Variants in FAT2 observed in about 807,000 individuals in gnomAD.
FAT2 encodes the protein FAT atypical cadherin 2.
In FAT2, 150 loss-of-function variants were observed where a neutral mutation model predicts 295.3. The observed-to-expected ratio is 0.51, with a 90% confidence interval of 0.44 to 0.58. The LOEUF (loss-of-function observed/expected upper bound fraction) is 0.58. Ranked by LOEUF, FAT2 falls within the 20% of genes least tolerant of loss-of-function variation. The pLI is 0.00. For synonymous variants in FAT2, 2,026 were observed against 2,150.3 expected, an observed-to-expected ratio of 0.94 and a Z score of 1.60; for missense variants, 4,868 against 5,442.7, an observed-to-expected ratio of 0.89 and a Z score of 3.32.
chr5:151,568,331 C>T lies in FAT2; in HGVS notation c.601G>A (p.Gly201Ser), dbSNP rs372731700. Reference sequence around the variant, plus strand: ...AGCTTCCCAGCCACAGTGACCACACCGCTGGTGGGATGGATGGCAAACATC... The same window carrying T: ...AGCTTCCCAGCCACAGTGACCACACTGCTGGTGGGATGGATGGCAAACATC... ...SEMFAIHPTS[G>S]VVTVAGKLNV... The change falls in exon 2 of 24, where the codon GGT (glycine) becomes AGT (serine). Residue 201 changes from glycine to serine, a missense_variant. Physicochemically the swap from Gly to Ser is moderately conservative, Grantham distance 56. Around this residue, in one of 5 missense-constraint regions of FAT2, gnomAD observed 3,297 missense variants for 3,669.4 expected, o/e 0.90. Transcript: ENST00000261800. 2.5e-5 allele frequency: 40 copies of T among 1,614,024 alleles called. No individual in the cohort carries two copies. Among genetic ancestry groups the T allele is most frequent in the Middle Eastern group, 1.6e-4 (1 of 6,084 alleles).
At position 151,549,474 on chromosome 5, in the gene FAT2, T is replaced by C. The variant is rs560335655; in HGVS notation, c.4610A>G (p.Asn1537Ser). 3 of 1,614,202 alleles carry C rather than the reference T, an allele frequency of 1.9e-6. No individual in the cohort carries two copies. In the South Asian group the frequency reaches 3.3e-5, roughly 18 times the overall value. Residue 1537 changes from asparagine (N) to serine (S), a missense_variant, in exon 9 of 24, where the codon AAC becomes AGC. Around this residue, in one of 5 missense-constraint regions of FAT2, gnomAD observed 3,297 missense variants for 3,669.4 expected, o/e 0.90. Coordinates refer to ENST00000261800, the MANE Select transcript of FAT2 (RefSeq NM_001447.3). ...VRDQEIPIKR[N>S]FVWVTIHVED... is the part of the protein sequence containing the mutation. The stretch of plus-strand genomic sequence containing the variant: ...CACATGAATGGTCACCCACACGAAG[T>C]TCCTCTTGATAGGTATTTCCTGGTC...
At chr5:151,594,728 A>G (rs562146760), upstream of FAT2, among the ~76,000 whole-genome samples, 5 of 152,352 alleles carry the variant, frequency 3.3e-5, no homozygotes, top group African/African-American at 4.8e-5. Flanking sequence ...AGAGCAATAC[A>G]GCCACACTCA....
rs970485235 is a variant in FAT2, at chr5:151,505,449, C to A, written c.*116G>T. 4 of 1,268,884 alleles carry A rather than the reference C, an allele frequency of 3.2e-6. No individual in the cohort carries two copies. Among genetic ancestry groups the A allele is most frequent in the African/African-American group, 1.5e-5 (1 of 65,860 alleles). 78.6% of individuals were successfully genotyped at this position (1,268,884 alleles called of 1,614,324 possible). On this transcript the variant is annotated 3_prime_UTR_variant, in exon 24 of 24. Coordinates refer to ENST00000261800, the MANE Select transcript of FAT2 (RefSeq NM_001447.3). ...ACATTTCAAGGGACAACAGCCTGGG[C>A]TGAGGGCTTCCCTCCCACTCTCCCA... is the stretch of plus-strand genomic sequence containing the variant.
At position 151,566,145 on chromosome 5, in the gene FAT2, G is replaced by A. The variant is rs1308995149; in HGVS notation, c.2787C>T (p.His929=). ...NDNSPQCITE[H]NRLKVPEDLP... ...GGTCCTCTGGAACCTTCAGCCTGTT[G>A]TGTTCTGTGATGCACTGGGGAGAGT... is the stretch of plus-strand genomic sequence containing the variant. The change falls in exon 2 of 24, where the codon CAC becomes CAT. Residue 929 remains histidine (H), a synonymous_variant. Coordinates refer to ENST00000261800, the MANE Select transcript of FAT2 (RefSeq NM_001447.3). 6.2e-7 allele frequency: 1 copy of A among 1,614,134 alleles called. No individual in the cohort carries two copies. The highest frequency in any genetic ancestry group is 8.5e-7 in the Non-Finnish European group (1 of 1,180,010).
chr5:151,585,506 G>A (rs1759134534), intron 1 of FAT2, among the ~76,000 whole-genome samples: 1 of 152,200 alleles, frequency 6.6e-6, no homozygotes, highest in Non-Finnish European at 1.5e-5. Flanking sequence ...CAGCTACTCT[G>A]GAGGCTGAGT....
intron 13 of FAT2, among the ~76,000 whole-genome samples, chr5:151,533,051 T>C (rs764348454): frequency 2.6e-5 from 4 of 152,164 alleles, no homozygotes; most frequent in Non-Finnish European, 5.9e-5. Flanking sequence ...GGAATAACCA[T>C]TTTGGAAAGA....
At position 151,545,548 on chromosome 5, in the gene FAT2, A is replaced by G. The variant is rs966818949; in HGVS notation, c.5579T>C (p.Ile1860Thr). 1 of 1,614,176 alleles carries G rather than the reference A, an allele frequency of 6.2e-7. No homozygotes were observed. Among genetic ancestry groups the G allele is most frequent in the Non-Finnish European group, 8.5e-7 (1 of 1,180,004 alleles). ...GGAATCATTCACATCTCTGACATGAATGATGACTTGGGCAGGTCTGGGTGC... is the reference window on the plus strand; with the variant it reads ...GGAATCATTCACATCTCTGACATGAGTGATGACTTGGGCAGGTCTGGGTGC... ...LFAPRPAQVI[I>T]HVRDVNDSPP... Residue 1860 changes from isoleucine (I) to threonine (T), a missense_variant, in exon 10 of 24, where the codon ATT becomes ACT. By Grantham distance (89) the Ile-to-Thr change is moderately conservative. Around this residue, in one of 5 missense-constraint regions of FAT2, gnomAD observed 3,297 missense variants for 3,669.4 expected, o/e 0.90. Transcript: ENST00000261800.
At chr5:151,523,777 C>A (rs1216391013) in intron 18 of FAT2, among the ~76,000 whole-genome samples, 1 of 152,148 alleles carries the variant, frequency 6.6e-6, no homozygotes, top group African/African-American at 2.4e-5. Context: ...CCACTGGACA[C>A]CTCTGCTTGG....
In FAT2 at chr5:151,545,897, C is replaced by A. The variant is rs199748547; in HGVS notation, c.5230G>T (p.Val1744Leu). 1 of 1,614,194 alleles carries A rather than the reference C, an allele frequency of 6.2e-7. No homozygotes were observed. Among genetic ancestry groups the A allele is most frequent in the Non-Finnish European group, 8.5e-7 (1 of 1,180,038 alleles). Reference sequence around the variant, plus strand: ...TTTTCATCAATTATGTCAACCACCACCATGACATCAGTAAATGCACCTGCC... The same window carrying A: ...TTTTCATCAATTATGTCAACCACCAACATGACATCAGTAAATGCACCTGCC... ...NMAGAFTDVM[V>L]VVDIIDENDN... Residue 1744 changes from valine (V) to leucine (L), a missense_variant, in exon 10 of 24, where the codon GTG (valine) becomes TTG (leucine). Val to Leu is a conservative substitution (Grantham distance 32). Coordinates refer to ENST00000261800, the MANE Select transcript of FAT2 (RefSeq NM_001447.3).
chr5:151,553,094 A>G lies in FAT2; in HGVS notation c.4156+83T>C, dbSNP rs1341432288. On this transcript the variant is annotated intron_variant, in intron 6 of 23. Transcript: ENST00000261800. ...GAGGAGCCCGACCTTGAGAAGAGTC[A>G]GAAGGACTGTAGCAGGAAAACTAGA... is the stretch of plus-strand genomic sequence containing the variant. 2.1e-6 allele frequency: 3 copies of G among 1,402,706 alleles called. No homozygotes were observed. The African/African-American group carries it at 4.2e-5, about 20-fold the overall frequency. The allele number at this position is 1,402,706 out of a possible 1,614,324, so 86.9% of individuals were successfully genotyped here. A position where few individuals can be genotyped will look rare whatever the true frequency, so the allele number is the denominator to read the frequency against.
chr5:151,593,265 T>C (rs932548917), upstream of FAT2, among the ~76,000 whole-genome samples: 8 of 152,228 alleles, frequency 5.3e-5, no homozygotes. Flanking sequence ...CCACGGGCCC[T>C]TTGATTAGTC....
chr5:151,568,262 C>T lies in FAT2; in HGVS notation c.670G>A (p.Val224Met). The change falls in exon 2 of 24, where the codon GTG becomes ATG. Residue 224 changes from valine to methionine, a missense_variant. This residue lies in a region of FAT2 where 3,297 missense variants were observed against 3,669.4 expected (regional missense o/e 0.90). Coordinates refer to ENST00000261800, the MANE Select transcript of FAT2 (RefSeq NM_001447.3). ...RGKHELQVLAVDRMRKISEGN... is the reference protein window; with the variant it reads ...RGKHELQVLAMDRMRKISEGN... ...TCAGAGATTTTCCGCATGCGGTCCA[C>T]AGCTAGCACCTGGAGCTCATGCTTT... 6.2e-7 allele frequency: 1 copy of T among 1,614,208 alleles called. No homozygotes were observed.
intron 2 of FAT2, 126 bp from the exon 3 acceptor site, chr5:151,563,765 A>T: frequency 1.4e-6 from 1 of 706,668 alleles, no homozygotes; most frequent in Non-Finnish European, 2.4e-6. Context: ...TTTCTATGAA[A>T]AGAAGGAACT....
In FAT2 at chr5:151,507,351, C is replaced by G. The variant is rs138705803; in HGVS notation, c.12320G>C (p.Ser4107Thr). Residue 4107 changes from serine (S) to threonine (T), a missense_variant, in exon 23 of 24, where the codon AGT (serine) becomes ACT (threonine). By Grantham distance (58) the Ser-to-Thr change is moderately conservative. This residue lies in a region of FAT2 where 492 missense variants were observed against 482.6 expected (regional missense o/e 1.02). Transcript: ENST00000261800. ...AMPAIELNPLSASSCNNLNQP... is the reference protein window; with the variant it reads ...AMPAIELNPLTASSCNNLNQP... ...GTTGAGGTTGTTGCAGGAGCTGGCACTCAATGGGTTGAGCTCGATGGCAGG... is the reference window on the plus strand; with the variant it reads ...GTTGAGGTTGTTGCAGGAGCTGGCAGTCAATGGGTTGAGCTCGATGGCAGG... 6.2e-7 allele frequency: 1 copy of G among 1,614,186 alleles called. No homozygotes were observed. The highest frequency in any genetic ancestry group is 8.5e-7 in the Non-Finnish European group (1 of 1,180,014).
intron 13 of FAT2, among the ~76,000 whole-genome samples, chr5:151,534,139 A>G (rs1042033791): frequency 1.3e-5 from 2 of 152,240 alleles, no homozygotes; most frequent in Non-Finnish European, 2.9e-5. Flanking sequence ...GTTAAATGGC[A>G]GTATTGAAAA....
chr5:151,515,726 C>A (rs1201708006), intron 20 of FAT2, among the ~76,000 whole-genome samples: 1 of 152,194 alleles, frequency 6.6e-6, no homozygotes, highest in African/African-American at 2.4e-5. Flanking sequence ...TCTGTCATCA[C>A]CCTGGTCTAA....
intron 1 of FAT2, among the ~76,000 whole-genome samples, chr5:151,589,187 A>T (rs575175414): frequency 9.9e-5 from 15 of 152,170 alleles, no homozygotes; most frequent in Non-Finnish European, 1.8e-4. Flanking sequence ...GACAGGGTTT[A>T]TCCAGGGGGT....
At chr5:151,518,791 G>A (rs1469770453) in intron 19 of FAT2, among the ~76,000 whole-genome samples, 3 of 152,166 alleles carry the variant, frequency 2.0e-5, no homozygotes, top group African/African-American at 7.2e-5. Flanking sequence ...GACCACTCTT[G>A]GGAATAGCAT....
Position 151,543,838 on chromosome 5 carries a change from T to A in FAT2, c.7289A>T (p.Asn2430Ile), listed in dbSNP as rs1561850837. Residue 2430 changes from asparagine (N) to isoleucine (I), a missense_variant, in exon 10 of 24, where the codon AAC (asparagine) becomes ATC (isoleucine). Transcript: ENST00000261800. ...CATAGAAATTATTCCCGATGAGCTG[T>A]TAATGAAGAAGTGCCTGTCCTGATT... is the stretch of plus-strand genomic sequence containing the variant. Reference protein sequence around the residue: ...SGNQDRHFFINSSSGIISMFN... With the variant: ...SGNQDRHFFIISSSGIISMFN... 6.2e-7 allele frequency: 1 copy of A among 1,614,086 alleles called. No individual in the cohort carries two copies. The highest frequency in any genetic ancestry group is 8.5e-7 in the Non-Finnish European group (1 of 1,179,994).
Sources: gnomAD v4.1 joint callset for allele counts (sites outside exome capture counted in the v4.1 genomes callset) on GRCh38, gnomAD v4.1.1 for gene constraint, gnomAD v4.1.1 regional missense constraint, MANE v1.5 for transcripts, NCBI Gene and HGNC (gene_info 2026-07-23, HGNC 2026-07-21) for gene names.